The following JPH3 variants were observed in gnomAD, a reference collection of about 807,000 sequenced individuals.
JPH3 encodes junctophilin-3.
In JPH3, 11 loss-of-function variants were observed where a neutral mutation model predicts 59.6. The ratio of observed to expected loss-of-function variants is 0.18; its 90% CI spans 0.12 to 0.31. The LOEUF is 0.31. Ranked by LOEUF, JPH3 falls within the 10% of genes least tolerant of loss-of-function variation. The pLI is 1.00. For synonymous variants in JPH3, 673 were observed against 483.6 expected, an observed-to-expected ratio of 1.39 and a Z score of -5.14; for missense variants, 1,202 against 1,105.7, an observed-to-expected ratio of 1.09 and a Z score of -1.24.
At chr16:87,669,637 T>C (rs1409294074) in intron 2 of JPH3, among the ~76,000 whole-genome samples, 1 of 151,958 alleles carries the variant, frequency 6.6e-6, no homozygotes, top group East Asian at 1.9e-4. Flanking sequence ...TCCACAGCAG[T>C]GAGAGAGGCC....
chr16:87,679,190 C>G (rs756599245), intron 2 of JPH3, among the ~76,000 whole-genome samples: 10 of 152,228 alleles, frequency 6.6e-5, no homozygotes, highest in South Asian at 2.1e-4. Flanking sequence ...GTCCGAGAAA[C>G]TGGACCTGCC....
intron 1 of JPH3, among the ~76,000 whole-genome samples, chr16:87,637,160 C>T (rs953532796): frequency 6.6e-6 from 1 of 152,222 alleles, no homozygotes; most frequent in African/African-American, 2.4e-5. Context: ...GCTTCCGCCC[C>T]CTGCTCTGCT....
At chr16:87,637,348 C>T (rs1158471754) in intron 1 of JPH3, among the ~76,000 whole-genome samples, 4 of 152,074 alleles carry the variant, frequency 2.6e-5, no homozygotes, top group African/African-American at 4.8e-5. Context: ...TCCTCCCCGG[C>T]CATCATCCGT....
chr16:87,649,754 C>A (rs57337886), intron 2 of JPH3, among the ~76,000 whole-genome samples: 1,996 of 152,054 alleles, frequency 0.013, 58 homozygotes, highest in African/African-American at 0.046. Context: ...CCACTTTGGC[C>A]CCTGGGACCT....
At chr16:87,652,223 C>T (rs1398239709) in intron 2 of JPH3, among the ~76,000 whole-genome samples, 3 of 152,210 alleles carry the variant, frequency 2.0e-5, no homozygotes, top group Admixed American at 6.5e-5. Context: ...GATCCGCCCA[C>T]CTCGGCCTCC....
intron 1 of JPH3, among the ~76,000 whole-genome samples, chr16:87,625,167 T>TA (rs550683992): frequency 1.3e-5 from 2 of 152,236 alleles, no homozygotes; most frequent in African/African-American, 4.8e-5. Flanking sequence ...TGGCTTCTTT[T>TA]AAAAAGAGAC....
At chr16:87,669,713 G>C (rs771528954) in intron 2 of JPH3, among the ~76,000 whole-genome samples, 1 of 152,162 alleles carries the variant, frequency 6.6e-6, no homozygotes, top group Admixed American at 6.5e-5. Context: ...GCAGGACCCC[G>C]TAGGGAGATG....
chr16:87,637,489 G>A (rs780726110), intron 1 of JPH3, among the ~76,000 whole-genome samples: 2 of 151,764 alleles, frequency 1.3e-5, no homozygotes, highest in South Asian at 2.1e-4. Context: ...ATTTTGCGCC[G>A]GTGTTGGGCC....
In JPH3 at chr16:87,697,823, T is replaced by TCTGC. The variant is rs2033959447; in HGVS notation, c.*1166_*1169dup. 1 of 152,260 alleles carries TCTGC rather than the reference T, an allele frequency of 6.6e-6. No individual in the cohort carries two copies. Among genetic ancestry groups the TCTGC allele is most frequent in the Non-Finnish European group, 1.5e-5 (1 of 68,050 alleles). 9.4% of individuals were successfully genotyped at this position (152,260 alleles called of 1,614,324 possible). The stretch of plus-strand genomic sequence containing the variant: ...CCAACAAAAACAGGTTCCTTATGTT[T>TCTGC]CTGCCTTCTCCACCAGGGTCGCTCC... On this transcript the variant is annotated 3_prime_UTR_variant, in exon 5 of 5. Coordinates refer to ENST00000284262, the MANE Select transcript of JPH3 (RefSeq NM_020655.4).
chr16:87,687,601 T>C (rs56819507), intron 3 of JPH3, among the ~76,000 whole-genome samples: 2,892 of 152,188 alleles, frequency 0.019, 92 homozygotes, highest in African/African-American at 0.065. Flanking sequence ...CGTCGGAGGC[T>C]GCAGGACGCA....
chr16:87,652,963 G>A (rs951947553), intron 2 of JPH3, among the ~76,000 whole-genome samples: 3 of 152,202 alleles, frequency 2.0e-5, no homozygotes, highest in Non-Finnish European at 2.9e-5. Context: ...CTCTTCTGTC[G>A]GCTCAGGACT....
intron 2 of JPH3, among the ~76,000 whole-genome samples, chr16:87,657,739 G>GAGCT (rs2032553895): frequency 6.6e-6 from 1 of 152,188 alleles, no homozygotes; most frequent in South Asian, 2.1e-4. Flanking sequence ...GGAAGACCAT[G>GAGCT]AGCTGGTCCT....
At chr16:87,623,920 C>T (rs2031279627) in intron 1 of JPH3, among the ~76,000 whole-genome samples, 1 of 152,208 alleles carries the variant, frequency 6.6e-6, no homozygotes, top group Admixed American at 6.5e-5. Flanking sequence ...CCATGGAGCC[C>T]CCATAATGGG....
chr16:87,672,159 G>A (rs1199398639), intron 2 of JPH3, among the ~76,000 whole-genome samples: 1 of 152,116 alleles, frequency 6.6e-6, no homozygotes, highest in Non-Finnish European at 1.5e-5. Flanking sequence ...GGGGCACTGA[G>A]TCTAAACATA....
At chr16:87,664,719 G>T (rs529093201) in intron 2 of JPH3, among the ~76,000 whole-genome samples, 1 of 152,346 alleles carries the variant, frequency 6.6e-6, no homozygotes, top group East Asian at 1.9e-4. Context: ...CGGAGTGAAG[G>T]CCACTGGCCC....
chr16:87,630,914 T>C lies in JPH3; in HGVS notation c.383-13344T>C, dbSNP rs564060024. On this transcript the variant is annotated intron_variant, in intron 1 of 4. Coordinates refer to ENST00000284262, the MANE Select transcript of JPH3 (RefSeq NM_020655.4). ...TTTGTTGTTAAATCCATACTCAGTG[T>C]TTTTCATTATGACTATGTAAGTATT... Among the ~76,000 whole-genome samples, 9 of 152,318 alleles carry C rather than the reference T, an allele frequency of 5.9e-5. 1 individual carries two copies. Among genetic ancestry groups the C allele is most frequent in the African/African-American group, 1.7e-4 (7 of 41,576 alleles).
intron 4 of JPH3, 82 bp downstream of exon 4, chr16:87,690,608 G>A (rs977247150): frequency 1.5e-6 from 2 of 1,347,982 alleles, no homozygotes; most frequent in African/African-American, 1.5e-5. Context: ...AGGGTTTCCA[G>A]CAAGGTCACT....
chr16:87,665,234 G>C (rs2032824379), intron 2 of JPH3, among the ~76,000 whole-genome samples: 1 of 152,188 alleles, frequency 6.6e-6, no homozygotes, highest in Non-Finnish European at 1.5e-5. Context: ...GGACCCCTGA[G>C]CCGATTGGCT....
intron 3 of JPH3, among the ~76,000 whole-genome samples, chr16:87,687,443 C>A (rs2033445716): frequency 6.6e-6 from 1 of 152,190 alleles, no homozygotes; most frequent in South Asian, 2.1e-4. Flanking sequence ...AGGTCCCTGG[C>A]AGCCTCCCAG....
Sources: gnomAD v4.1 joint callset for allele counts (sites outside exome capture counted in the v4.1 genomes callset) on GRCh38, gnomAD v4.1.1 for gene constraint, MANE v1.5 for transcripts, NCBI Gene and HGNC (gene_info 2026-07-23, HGNC 2026-07-21) for gene names.